Variants in NIT2 observed in about 807,000 individuals in gnomAD.
NIT2 encodes nitrilase family member 2.
In NIT2, 46 loss-of-function variants were observed where a neutral mutation model predicts 42.7. That is an observed-to-expected ratio of 1.08 (90% CI 0.85 to 1.38). NIT2 has a LOEUF of 1.38. Ranked by LOEUF, NIT2 falls within the 40% of genes most tolerant of loss-of-function variation. NIT2 has a pLI of 0.00. For synonymous variants in NIT2, 123 were observed against 121.9 expected (o/e 1.01, Z -0.06); for missense variants, 309 against 342.5 (o/e 0.90, Z 0.77).
chr3:100,353,996 G>A (rs556773600), intron 8 of NIT2, among the ~76,000 whole-genome samples: 6 of 152,218 alleles, frequency 3.9e-5, no homozygotes, highest in East Asian at 1.9e-4. Flanking sequence ...GGCTGGTCTC[G>A]ATCTCCTGAC....
At chr3:100,346,906 T>A (rs1225103767) in intron 6 of NIT2, among the ~76,000 whole-genome samples, 1 of 152,084 alleles carries the variant, frequency 6.6e-6, no homozygotes, top group African/African-American at 2.4e-5. Context: ...TGGAAATGGT[T>A]TGACTGCCTG....
At chr3:100,342,088 A>T (rs2148881739) in intron 4 of NIT2, among the ~76,000 whole-genome samples, 1 of 152,194 alleles carries the variant, frequency 6.6e-6, no homozygotes, top group Non-Finnish European at 1.5e-5. Flanking sequence ...AGTCTTCTTG[A>T]TGAGTTGACC....
At position 100,360,309 on chromosome 3, in the gene NIT2, G is replaced by A. The variant is rs552375278; in HGVS notation, c.*5041G>A. On this transcript the variant is annotated 3_prime_UTR_variant, in exon 10 of 10. Transcript: ENST00000394140. ...GCTCCATTAGAAAGCAGTGAAAGCA[G>A]TGTTAATTCAGAGGCCGGGTATGGT... The A allele has an allele frequency of 9.8e-5, 15 of 152,452 alleles. No individual in the cohort carries two copies. The highest frequency in any genetic ancestry group is 3.6e-4 in the African/African-American group (15 of 41,578). The allele number at this position is 152,452 out of a possible 1,614,324, so 9.4% of individuals were successfully genotyped here.
rs1298217657 is a variant in NIT2, at chr3:100,360,856, A to G, written c.*5588A>G. 1 of 152,186 alleles carries G rather than the reference A, an allele frequency of 6.6e-6. No individual in the cohort carries two copies. The highest frequency in any genetic ancestry group is 1.5e-5 in the Non-Finnish European group (1 of 68,024). 9.4% of individuals were successfully genotyped at this position (152,186 alleles called of 1,614,324 possible). Reference sequence around the variant, plus strand: ...AGACTATCTTCCTCTGGATCATAGGACAGGTTTGTTTACTATCTGATACAG... The same window carrying G: ...AGACTATCTTCCTCTGGATCATAGGGCAGGTTTGTTTACTATCTGATACAG... On this transcript the variant is annotated 3_prime_UTR_variant, in exon 10 of 10. Transcript: ENST00000394140.
chr3:100,348,181 C>T (rs1366174818), intron 6 of NIT2, among the ~76,000 whole-genome samples: 1 of 152,160 alleles, frequency 6.6e-6, no homozygotes, highest in Non-Finnish European at 1.5e-5. Context: ...CGTGAGCCAG[C>T]GCACCCACCG....
chr3:100,348,947 G>A lies in NIT2; in HGVS notation c.584+66G>A, dbSNP rs1706245117. ...TCTTTGTAGAAAGATTTCCGGTTGG[G>A]TGGAGGTGCCAGCCTTCCTGATGTG... On this transcript the variant is annotated intron_variant, in intron 7 of 9. Transcript: ENST00000394140. 5 of 1,398,902 alleles carry A rather than the reference G, an allele frequency of 3.6e-6. No homozygotes were observed. In the African/African-American group the frequency reaches 5.6e-5, roughly 16 times the overall value. The allele number at this position is 1,398,902 out of a possible 1,614,324, so 86.7% of individuals were successfully genotyped here. A position where few individuals can be genotyped will look rare whatever the true frequency, so the allele number is the denominator to read the frequency against.
At chr3:100,347,932 C>T (rs1438933763) in intron 6 of NIT2, among the ~76,000 whole-genome samples, 1 of 151,946 alleles carries the variant, frequency 6.6e-6, no homozygotes, top group Non-Finnish European at 1.5e-5. Context: ...AATCTGTTGC[C>T]CAGGCTGGAG....
At chr3:100,341,796 C>CT (rs1706157649) in intron 4 of NIT2, among the ~76,000 whole-genome samples, 1 of 152,108 alleles carries the variant, frequency 6.6e-6, no homozygotes, top group African/African-American at 2.4e-5. Context: ...AATCCCAGCA[C>CT]TTTGGGAGGT....
chr3:100,338,846 A>G (rs1706108774), intron 1 of NIT2, among the ~76,000 whole-genome samples: 1 of 152,144 alleles, frequency 6.6e-6, no homozygotes, highest in African/African-American at 2.4e-5. Flanking sequence ...TTTGGACAGG[A>G]TAATTCTTCG....
In NIT2 at chr3:100,361,169, G is replaced by T. The variant is rs553095503; in HGVS notation, c.*5901G>T. On this transcript the variant is annotated 3_prime_UTR_variant, in exon 10 of 10. Transcript: ENST00000394140. ...AGCTCTTGACACAGAGCAATATTGA[G>T]AAATAAAATCAGGTAAAAGTTATTT... The T allele has an allele frequency of 1.3e-5, 2 of 152,432 alleles. No individual in the cohort carries two copies. Among genetic ancestry groups the T allele is most frequent in the East Asian group, 3.9e-4 (2 of 5,186 alleles). 9.4% of individuals were successfully genotyped at this position (152,432 alleles called of 1,614,324 possible). A position where few individuals can be genotyped will look rare whatever the true frequency, so the allele number is the denominator to read the frequency against.
chr3:100,349,058 C>T, intron 7 of NIT2, 177 bp downstream of exon 7: 1 of 516,276 alleles, frequency 1.9e-6, no homozygotes, highest in Non-Finnish European at 3.5e-6. Flanking sequence ...CTGCACGTCA[C>T]TTTCTCCTCA....
Position 100,355,387 on chromosome 3 carries a change from CTCTA to C in NIT2, c.*121_*124del. Reference sequence around the variant, plus strand: ...AATTCGGCCTTGTCCTTCCTAGGTTCTCTATTGAGATGAGAAAGCCTCATTATGC... The same window carrying C: ...AATTCGGCCTTGTCCTTCCTAGGTTCTTGAGATGAGAAAGCCTCATTATGC... On this transcript the variant is annotated 3_prime_UTR_variant, in exon 10 of 10. Coordinates refer to ENST00000394140, the MANE Select transcript of NIT2 (RefSeq NM_020202.5). 1.4e-6 allele frequency: 1 copy of C among 699,524 alleles called. No individual in the cohort carries two copies. The highest frequency in any genetic ancestry group is 2.4e-6 in the Non-Finnish European group (1 of 416,522). 43.3% of individuals were successfully genotyped at this position (699,524 alleles called of 1,614,324 possible).
At chr3:100,336,175 T>C (rs1281014711) in intron 1 of NIT2, among the ~76,000 whole-genome samples, 1 of 152,182 alleles carries the variant, frequency 6.6e-6, no homozygotes, top group Non-Finnish European at 1.5e-5. Flanking sequence ...CAAACAGGCC[T>C]TCATCAGAGG....
At chr3:100,334,821 G>T in intron 1 of NIT2, 23 bp downstream of exon 1, 1 of 1,282,360 alleles carries the variant, frequency 7.8e-7, no homozygotes, top group Non-Finnish European at 9.8e-7. Flanking sequence ...GCCGCGCGCT[G>T]CAGCTCGAGT....
intron 7 of NIT2, 56 bp from the exon 8 acceptor site, chr3:100,352,348 G>T: frequency 7.1e-7 from 1 of 1,414,036 alleles, no homozygotes; most frequent in Non-Finnish European, 1.0e-6. Context: ...ACTTGGGTTA[G>T]AAAAATGTCA....
At chr3:100,336,605 A>G (rs4114385) in intron 1 of NIT2, among the ~76,000 whole-genome samples, 14 of 152,204 alleles carry the variant, frequency 9.2e-5, no homozygotes, top group East Asian at 1.9e-4. Flanking sequence ...CTGCATCATG[A>G]ACAAGGTAAA....
intron 6 of NIT2, 25 bp downstream of exon 6, chr3:100,346,280 A>G (rs143833773): frequency 3.7e-6 from 6 of 1,608,166 alleles, no homozygotes; most frequent in Non-Finnish European, 5.1e-6. Flanking sequence ...TAGCTGTGTT[A>G]TGTGGGTGCT....
intron 8 of NIT2, among the ~76,000 whole-genome samples, chr3:100,353,453 T>C (rs895543551): frequency 2.6e-5 from 4 of 152,208 alleles, no homozygotes; most frequent in African/African-American, 7.2e-5. Context: ...GAGATTCCAG[T>C]TGGCCTCCTG....
intron 4 of NIT2, among the ~76,000 whole-genome samples, chr3:100,344,960 T>TC (rs1706197655): frequency 1.8e-4 from 3 of 16,904 alleles, no homozygotes; most frequent in African/African-American, 5.6e-4. Flanking sequence ...TTTTTTTTTC[T>TC]TTTTTTTTTT....
Sources: gnomAD v4.1 joint callset for allele counts (sites outside exome capture counted in the v4.1 genomes callset) on GRCh38, gnomAD v4.1.1 for gene constraint, MANE v1.5 for transcripts, NCBI Gene and HGNC (gene_info 2026-07-23, HGNC 2026-07-21) for gene names.